TENM3: variants seen among roughly 807,000 people sequenced by gnomAD.
TENM3 encodes teneurin-3.
A neutral mutation model predicts 255.1 loss-of-function variants in TENM3; 63 were observed. The ratio of observed to expected loss-of-function variants is 0.25; its 90% confidence interval spans 0.20 to 0.30. The LOEUF is 0.30. TENM3 is among the 10% of genes least tolerant of loss of function. The pLI, the probability that TENM3 is intolerant of heterozygous loss-of-function variation, is 1.00. For missense variants in TENM3, 2,929 were observed against 3,461.1 expected (o/e 0.85, Z 3.86); for synonymous variants, 1,306 against 1,322.3 (o/e 0.99, Z 0.27).
the TENM3 span, among the ~76,000 whole-genome samples, chr4:181,669,618 A>T: frequency 1.3e-5 from 2 of 151,992 alleles, no homozygotes; most frequent in Non-Finnish European, 2.9e-5. Flanking sequence ...CTTGAGAATC[A>T]CTTTTGCTAG....
intron 12 of TENM3, chr4:182,711,474 C>A: frequency 7.3e-6 from 2 of 274,218 alleles, no homozygotes; most frequent in Non-Finnish European, 1.1e-5. Flanking sequence ...CTTATGTCAG[C>A]TGAAGCTACT....
intron 3 of TENM3, among the ~76,000 whole-genome samples, chr4:182,517,759 A>G (rs575064434): frequency 4.6e-5 from 7 of 152,340 alleles, no homozygotes; most frequent in Admixed American, 4.6e-4. Flanking sequence ...AGTTTAGCCA[A>G]TTTTTATACC....
the TENM3 span, among the ~76,000 whole-genome samples, chr4:181,536,058 T>C: frequency 5.3e-5 from 8 of 152,212 alleles, no homozygotes; most frequent in African/African-American, 1.7e-4. Context: ...CACCTGTATA[T>C]TTTATGAAAC....
chr4:182,784,278 G>C (rs576399170), intron 24 of TENM3, among the ~76,000 whole-genome samples: 26 of 152,144 alleles, frequency 1.7e-4, no homozygotes, highest in Non-Finnish European at 3.4e-4. Flanking sequence ...TAACAGAGAG[G>C]ACCCTCAGCT....
At chr4:181,484,678 T>C in the TENM3 span, among the ~76,000 whole-genome samples, 1 of 152,196 alleles carries the variant, frequency 6.6e-6, no homozygotes, top group Non-Finnish European at 1.5e-5. Flanking sequence ...TTGTGGACTT[T>C]AGAGAATCAG....
chr4:181,459,867 T>C, the TENM3 span, among the ~76,000 whole-genome samples: 1 of 152,102 alleles, frequency 6.6e-6, no homozygotes, highest in East Asian at 1.9e-4. Flanking sequence ...GAAATTTTTA[T>C]TGGCATATCA....
the TENM3 span, among the ~76,000 whole-genome samples, chr4:181,587,258 T>A: frequency 1.3e-5 from 2 of 152,322 alleles, no homozygotes; most frequent in South Asian, 4.1e-4. Context: ...ATTCATTCAG[T>A]GCCAGGCATG....
At chr4:181,592,581 G>A in the TENM3 span, among the ~76,000 whole-genome samples, 170 of 151,384 alleles carry the variant, frequency 1.1e-3, no homozygotes, top group Middle Eastern at 3.4e-3. Flanking sequence ...GGTTTGGCTG[G>A]TATTTTCAGC....
chr4:181,555,174 A>G, the TENM3 span, among the ~76,000 whole-genome samples: 1 of 152,190 alleles, frequency 6.6e-6, no homozygotes. Flanking sequence ...ATGCATTGCC[A>G]TATTTCATCC....
At chr4:182,210,186 G>T (rs529330031) in intron 1 of TENM3, among the ~76,000 whole-genome samples, 22 of 152,184 alleles carry the variant, frequency 1.4e-4, no homozygotes, top group African/African-American at 4.6e-4. Flanking sequence ...CGGTCACACC[G>T]ACACCATCAG....
intron 3 of TENM3, among the ~76,000 whole-genome samples, chr4:182,439,711 C>A (rs1008439367): frequency 1.3e-5 from 2 of 152,194 alleles, no homozygotes; most frequent in African/African-American, 2.4e-5. Flanking sequence ...GAATTATTCT[C>A]CTTTAGATCG....
chr4:181,919,841 T>A, the TENM3 span, among the ~76,000 whole-genome samples: 1 of 151,016 alleles, frequency 6.6e-6, no homozygotes, highest in Non-Finnish European at 1.5e-5. Context: ...CATTAACTCG[T>A]CATTTAGCAT....
chr4:182,310,696 G>A (rs565067644), intron 1 of TENM3, among the ~76,000 whole-genome samples: 213 of 151,370 alleles, frequency 1.4e-3, no homozygotes, highest in Non-Finnish European at 2.1e-3. Context: ...GGAAATACAT[G>A]AAACAGGTTT....
At chr4:181,792,295 A>G in the TENM3 span, among the ~76,000 whole-genome samples, 1 of 152,154 alleles carries the variant, frequency 6.6e-6, no homozygotes, top group Admixed American at 6.6e-5. Context: ...ATTCTTGTGT[A>G]TTTTGAAGCT....
At chr4:182,790,027 G>A (rs533310279) in intron 25 of TENM3, among the ~76,000 whole-genome samples, 2 of 152,270 alleles carry the variant, frequency 1.3e-5, no homozygotes, top group African/African-American at 4.8e-5. Context: ...TAAGTTGTAT[G>A]CTGTGCGGCT....
chr4:182,648,520 A>T (rs370209170), intron 5 of TENM3, among the ~76,000 whole-genome samples: 2 of 152,150 alleles, frequency 1.3e-5, no homozygotes, highest in African/African-American at 4.8e-5. Context: ...ACCTCAAGTG[A>T]TCCGCCCACC....
At chr4:182,011,913 T>A in the TENM3 span, among the ~76,000 whole-genome samples, 1 of 152,142 alleles carries the variant, frequency 6.6e-6, no homozygotes, top group Admixed American at 6.5e-5. Flanking sequence ...GACACCTATT[T>A]GGAGAAATAA....
chr4:181,796,624 G>A, the TENM3 span, among the ~76,000 whole-genome samples: 2 of 152,258 alleles, frequency 1.3e-5, no homozygotes, highest in South Asian at 2.1e-4. Context: ...CATGAGAGGC[G>A]AAGTAGAATT....
At chr4:182,262,949 G>A (rs972954398) in intron 1 of TENM3, among the ~76,000 whole-genome samples, 14 of 151,948 alleles carry the variant, frequency 9.2e-5, no homozygotes, top group East Asian at 3.9e-4. Context: ...TCCTGACCTC[G>A]TGATCCGCCT....
Sources: gnomAD v4.1 joint callset for allele counts (sites outside exome capture counted in the v4.1 genomes callset) on GRCh38, gnomAD v4.1.1 for gene constraint, MANE v1.5 for transcripts, NCBI Gene and HGNC (gene_info 2026-07-23, HGNC 2026-07-21) for gene names.